Variants in PRR35 observed in about 807,000 individuals in gnomAD.
The protein encoded by PRR35 is proline-rich protein 35.
Under a neutral mutation model 18.6 loss-of-function variants are expected in PRR35, and 14 were observed. That is an observed-to-expected ratio of 0.75 (90% CI 0.50 to 1.18). The LOEUF (loss-of-function observed/expected upper bound fraction) is 1.18, where lower values mean the gene tolerates loss of function less well. PRR35 is among the 50% of genes most tolerant of loss of function. The pLI, the probability that PRR35 is intolerant of heterozygous loss-of-function variation, is 0.00. For synonymous variants in PRR35, 425 were observed against 378.2 expected (o/e 1.12, Z -1.43); for missense variants, 832 against 792.2 (o/e 1.05, Z -0.60).
upstream of PRR35, chr16:560,236 G>T: frequency 1.5e-6 from 1 of 666,968 alleles, no homozygotes; most frequent in Non-Finnish European, 1.8e-6. Context: ...CACGAGGCCG[G>T]TGAGTGCGCG....
chr16:561,411 G>A lies in PRR35; in HGVS notation c.-40+750G>A, dbSNP rs140205144. 8.2e-3 allele frequency among the ~76,000 whole-genome samples: 1,250 copies of A among 152,222 alleles called. 17 individuals are homozygous for A. The highest frequency in any genetic ancestry group is 0.028 in the African/African-American group (1,167 of 41,538). ...ATGGCCCGGCACAGCCGCCTCTGTC[G>A]CCGGAGCGCCCACACCCATTTGTCA... is the stretch of plus-strand genomic sequence containing the variant. On this transcript the variant is annotated intron_variant, in intron 1 of 2. Coordinates refer to ENST00000409413, the MANE Select transcript of PRR35 (RefSeq NM_145270.3).
rs759297624 is a variant in PRR35, at chr16:564,828, G to A, written c.1237G>A (p.Gly413Ser). 3.3e-5 allele frequency: 51 copies of A among 1,559,438 alleles called. No homozygotes were observed. The highest frequency in any genetic ancestry group is 4.1e-5 in the Non-Finnish European group (47 of 1,156,362). The change falls in exon 3 of 3, where the codon GGT (glycine) becomes AGT (serine). Residue 413 changes from glycine to serine, a missense_variant. Around this residue, in one of 3 missense-constraint regions of PRR35, gnomAD observed 768 missense variants for 704.1 expected, o/e 1.09. Transcript: ENST00000409413. ...HVGEDLTRAL[G>S]DYARVEQRLG... is the part of the protein sequence containing the mutation. ...GGGCGAGGACCTGACCCGAGCCCTC[G>A]GTGACTACGCCAGGGTGGAGCAGCG...
intron 1 of PRR35, among the ~76,000 whole-genome samples, chr16:562,535 G>GCA (rs771706368): frequency 6.9e-6 from 1 of 144,114 alleles, no homozygotes; most frequent in Non-Finnish European, 1.5e-5. Flanking sequence ...ACACACGTGT[G>GCA]CACACACACG....
Position 563,789 on chromosome 16 carries a change from G to T in PRR35, c.495G>T (p.Gly165=). The change falls in exon 2 of 3, where the codon GGG becomes GGT. Residue 165 remains glycine (G), a synonymous_variant. Transcript: ENST00000409413. ...SGLLPESWKP[G]MGGDPRGVGA... is the part of the protein sequence containing the mutation. ...TCCTGCCTGAGTCGTGGAAGCCGGG[G>T]ATGGGAGGGGACCCAAGGGGCGTGG... 1 of 1,499,814 alleles carries T rather than the reference G, an allele frequency of 6.7e-7. No individual in the cohort carries two copies. Among genetic ancestry groups the T allele is most frequent in the South Asian group, 1.3e-5 (1 of 76,868 alleles). The allele number at this position is 1,499,814 out of a possible 1,614,324, so 92.9% of individuals were successfully genotyped here.
Position 564,979 on chromosome 16 carries a change from C to T in PRR35, c.1388C>T (p.Ala463Val), listed in dbSNP as rs2035509441. 8.7e-6 allele frequency: 14 copies of T among 1,607,302 alleles called. 1 individual carries two copies. Among genetic ancestry groups the T allele is most frequent in the South Asian group, 4.4e-5 (4 of 90,490 alleles). Residue 463 changes from alanine (A) to valine (V), a missense_variant, in exon 3 of 3, where the codon GCA becomes GTA. Ala to Val is a moderately conservative substitution (Grantham distance 64). Coordinates refer to ENST00000409413, the MANE Select transcript of PRR35 (RefSeq NM_145270.3). ...ALEQAVRPPD[A>V]PLDLSVKRAP... ...GAGCAGGCCGTGAGGCCGCCAGACG[C>T]ACCCCTCGACCTCTCTGTGAAACGT...
chr16:564,889 C>T lies in PRR35; in HGVS notation c.1298C>T (p.Pro433Leu), dbSNP rs781662789. 2.5e-5 allele frequency: 40 copies of T among 1,582,860 alleles called. 1 individual carries two copies. The highest frequency in any genetic ancestry group is 1.7e-4 in the Middle Eastern group (1 of 5,940). ...TTGGGGCCCGCGGGGGGCCTGGCCC[C>T]GAGACCCCTGCGGGAGCAGCTGGGC... is the stretch of plus-strand genomic sequence containing the variant. ...GQLGPAGGLA[P>L]RPLREQLGKI... The change falls in exon 3 of 3, where the codon CCG becomes CTG. Residue 433 changes from proline (P) to leucine (L), a missense_variant. This residue lies in a region of PRR35 where 768 missense variants were observed against 704.1 expected (regional missense o/e 1.09). Coordinates refer to ENST00000409413, the MANE Select transcript of PRR35 (RefSeq NM_145270.3).
At chr16:560,351 C>A, upstream of PRR35, 1 of 981,952 alleles carries the variant, frequency 1.0e-6, no homozygotes. Flanking sequence ...CAGCGCCCCC[C>A]GGAGCCCGGA....
chr16:563,299 C>T lies in PRR35; in HGVS notation c.5C>T (p.Ser2Leu), dbSNP rs776950622. 1.1e-5 allele frequency: 18 copies of T among 1,603,920 alleles called. No individual in the cohort carries two copies. The highest frequency in any genetic ancestry group is 4.0e-5 in the African/African-American group (3 of 74,926). The change falls in exon 2 of 3, where the codon TCG (serine) becomes TTG (leucine). Residue 2 changes from serine to leucine, a missense_variant. This residue lies in a region of PRR35 where 56 missense variants were observed against 64.8 expected (regional missense o/e 0.86). Coordinates refer to ENST00000409413, the MANE Select transcript of PRR35 (RefSeq NM_145270.3). ...CCTGCCTCATAGCAGGCTGCCATGT[C>T]GCGGGAGGCGGGCTCATGCCGCGTG... Reference protein sequence around the residue: MSREAGSCRVGT... With the variant: MLREAGSCRVGT...
chr16:563,994 C>A lies in PRR35; in HGVS notation c.700C>A (p.Pro234Thr). Residue 234 changes from proline to threonine, a missense_variant, in exon 2 of 3, where the codon CCC (proline) becomes ACC (threonine). Transcript: ENST00000409413. ...GPSLAAAAHV[P>T]FLASASPLLP... Reference sequence around the variant, plus strand: ...CTCACTGGCCGCTGCAGCCCATGTGCCCTTCCTGGCCTCGGCCAGCCCCCT... The same window carrying A: ...CTCACTGGCCGCTGCAGCCCATGTGACCTTCCTGGCCTCGGCCAGCCCCCT... The A allele has an allele frequency of 6.2e-7, 1 of 1,601,034 alleles. No individual in the cohort carries two copies.
intron 1 of PRR35, among the ~76,000 whole-genome samples, chr16:562,315 C>T (rs1479354309): frequency 6.6e-6 from 1 of 152,244 alleles, no homozygotes; most frequent in Non-Finnish European, 1.5e-5. Flanking sequence ...ACGTCCACTC[C>T]CCACAGCCTG....
chr16:565,018 G>T lies in PRR35; in HGVS notation c.1427G>T (p.Gly476Val). The T allele has an allele frequency of 6.2e-7, 1 of 1,605,084 alleles. No homozygotes were observed. The highest frequency in any genetic ancestry group is 8.5e-7 in the Non-Finnish European group (1 of 1,177,030). ...TCTGTGAAACGTGCGCCCGCCAAGG[G>T]GCCCCAGGCTCTTGGAGAGGCGTGG... is the stretch of plus-strand genomic sequence containing the variant. ...DLSVKRAPAK[G>V]PQALGEAWGR... The change falls in exon 3 of 3, where the codon GGG becomes GTG. Residue 476 changes from glycine to valine, a missense_variant. By Grantham distance (109) the Gly-to-Val change is moderately radical. Coordinates refer to ENST00000409413, the MANE Select transcript of PRR35 (RefSeq NM_145270.3).
At chr16:560,761 C>T in intron 1 of PRR35, 100 bp downstream of exon 1, 2 of 615,900 alleles carry the variant, frequency 3.2e-6, no homozygotes, top group Non-Finnish European at 4.0e-6. Flanking sequence ...GTGGGGGGCG[C>T]GGGGGGCGGC....
At position 560,521 on chromosome 16, in the gene PRR35, C is replaced by T. The variant is rs1350667631; in HGVS notation, c.-180C>T. On this transcript the variant is annotated 5_prime_UTR_variant, in exon 1 of 3. The change creates a new upstream start codon in the 5' untranslated region. Transcript: ENST00000409413. ...CGGCGCCGGGCCTCAGTTTCCCCCA[C>T]GGGAGCCGCATCCCACCCCCAGAGC... 5 of 982,776 alleles carry T rather than the reference C, an allele frequency of 5.1e-6. No individual in the cohort carries two copies. The highest frequency in any genetic ancestry group is 6.2e-5 in the Admixed American group (1 of 16,074). The allele number at this position is 982,776 out of a possible 1,614,324, so 60.9% of individuals were successfully genotyped here.
chr16:562,654 G>T (rs2035459451), intron 1 of PRR35, among the ~76,000 whole-genome samples: 2 of 152,236 alleles, frequency 1.3e-5, no homozygotes, highest in African/African-American at 4.8e-5. Flanking sequence ...CCTTCCGTTG[G>T]TGTCTCATCT....
Position 564,263 on chromosome 16 carries a change from G to C in PRR35, c.969G>C (p.Glu323Asp). 2 of 1,578,442 alleles carry C rather than the reference G, an allele frequency of 1.3e-6. No homozygotes were observed. The highest frequency in any genetic ancestry group is 1.1e-5 in the South Asian group (1 of 87,298). ...PRVTPRDPGQ[E>D]GELERAAQSD... ...TCACCCCCAGGGACCCAGGGCAGGA[G>C]GGGGAGCTGGAGCGGGCAGCCCAGA... The change falls in exon 2 of 3, where the codon GAG (glutamate) becomes GAC (aspartate). Residue 323 changes from glutamate (E) to aspartate (D), a missense_variant. Coordinates refer to ENST00000409413, the MANE Select transcript of PRR35 (RefSeq NM_145270.3).
chr16:565,398 C>T lies in PRR35; in HGVS notation c.*91C>T. ...CCCCTCACCTGCCTGGGACCTGCCC[C>T]GCCTCCGCATGCATGTGGATAGACC... On this transcript the variant is annotated 3_prime_UTR_variant, in exon 3 of 3. Transcript: ENST00000409413. 22 of 1,319,464 alleles carry T rather than the reference C, an allele frequency of 1.7e-5. No homozygotes were observed. The highest frequency in any genetic ancestry group is 6.6e-5 in the South Asian group (4 of 60,686). The allele number at this position is 1,319,464 out of a possible 1,614,324, so 81.7% of individuals were successfully genotyped here.
chr16:561,881 C>T (rs538675560), intron 1 of PRR35: 2 of 551,810 alleles, frequency 3.6e-6, no homozygotes, highest in East Asian at 2.9e-4. Context: ...AGCCCCCCCA[C>T]ACCTGGATGG....
Position 565,258 on chromosome 16 carries a change from C to A in PRR35, c.1667C>A (p.Thr556Asn), listed in dbSNP as rs779778773. ...TGTGTTGCGACGAGGAGTTCCCAGA[C>A]CCCTGAGGCTGTCTGTGGCCTGCAG... Reference protein sequence around the residue: ...GTCVATRSSQTPEAVCGLQSP... With the variant: ...GTCVATRSSQNPEAVCGLQSP... The change falls in exon 3 of 3, where the codon ACC (threonine) becomes AAC (asparagine). Residue 556 changes from threonine to asparagine, a missense_variant. Physicochemically the swap from Thr to Asn is moderately conservative, Grantham distance 65. Coordinates refer to ENST00000409413, the MANE Select transcript of PRR35 (RefSeq NM_145270.3). 3 of 1,580,962 alleles carry A rather than the reference C, an allele frequency of 1.9e-6. No homozygotes were observed. The highest frequency in any genetic ancestry group is 1.8e-5 in the Admixed American group (1 of 56,392).
intron 1 of PRR35, among the ~76,000 whole-genome samples, chr16:562,479 G>A (rs765024406): frequency 4.0e-5 from 6 of 151,472 alleles, no homozygotes; most frequent in Non-Finnish European, 5.9e-5. Context: ...GCACACACGT[G>A]CACATGAACA....
Sources: allele counts gnomAD v4.1 joint callset (sites outside exome capture counted in the v4.1 genomes callset), GRCh38; gene constraint gnomAD v4.1.1; regional missense constraint gnomAD v4.1.1; transcripts MANE v1.5; gene names NCBI Gene and HGNC (gene_info 2026-07-23, HGNC 2026-07-21).